Variants in AFG1L observed in about 807,000 individuals in gnomAD.
AFG1L encodes AFG1 like ATPase.
Under a neutral mutation model 62.2 loss-of-function variants are expected in AFG1L, and 53 were observed. The ratio of observed to expected loss-of-function variants is 0.85; its 90% CI spans 0.68 to 1.07. The LOEUF is 1.07. Ranked by LOEUF, AFG1L falls within the 50% of genes least tolerant of loss-of-function variation. The pLI is 0.00. For synonymous variants in AFG1L, 228 were observed against 210.3 expected, an observed-to-expected ratio of 1.08 and a Z score of -0.73; for missense variants, 555 against 590.5, an observed-to-expected ratio of 0.94 and a Z score of 0.62.
intron 10 of AFG1L, among the ~76,000 whole-genome samples, chr6:108,501,753 C>G (rs1283319026): frequency 6.6e-6 from 1 of 152,124 alleles, no homozygotes; most frequent in African/African-American, 2.4e-5. Context: ...ACACTTAAAT[C>G]TAAGGGAGGC....
intron 8 of AFG1L, among the ~76,000 whole-genome samples, chr6:108,447,565 A>G (rs1271145902): frequency 6.6e-6 from 1 of 152,174 alleles, no homozygotes; most frequent in Non-Finnish European, 1.5e-5. Context: ...TCCTTTTATA[A>G]GAGACTCTAT....
intron 10 of AFG1L, among the ~76,000 whole-genome samples, chr6:108,497,183 T>C (rs550251671): frequency 3.5e-4 from 54 of 152,336 alleles, no homozygotes; most frequent in African/African-American, 1.3e-3. Context: ...CAGGAACAAC[T>C]AAACTGATTT....
chr6:108,396,347 C>T (rs1021270889), intron 6 of AFG1L, among the ~76,000 whole-genome samples: 5 of 151,870 alleles, frequency 3.3e-5, no homozygotes, highest in Non-Finnish European at 5.9e-5. Context: ...GTGACAGTTA[C>T]GTATATTAAA....
chr6:108,507,624 C>T (rs1334845446), intron 10 of AFG1L, among the ~76,000 whole-genome samples: 13 of 152,116 alleles, frequency 8.5e-5, no homozygotes, highest in African/African-American at 2.9e-4. Context: ...CCATGCATAA[C>T]GAGTGAGCTT....
intron 6 of AFG1L, 78 bp from the exon 7 acceptor site, chr6:108,401,918 T>C (rs1781637502): frequency 1.5e-6 from 1 of 677,276 alleles, no homozygotes; most frequent in Admixed American, 3.3e-5. Context: ...AGTAGAAAGC[T>C]TTATTTGCCA....
chr6:108,326,189 G>T (rs1778035690), intron 2 of AFG1L, among the ~76,000 whole-genome samples: 2 of 152,166 alleles, frequency 1.3e-5, no homozygotes, highest in South Asian at 4.2e-4. Flanking sequence ...TCCTCCCGCA[G>T]CCCCCTGAGT....
At chr6:108,399,980 T>C (rs1781497248) in intron 6 of AFG1L, among the ~76,000 whole-genome samples, 1 of 151,892 alleles carries the variant, frequency 6.6e-6, no homozygotes, top group African/African-American at 2.4e-5. Flanking sequence ...GATTTTGCCA[T>C]GTTGCTCAGG....
intron 1 of AFG1L, among the ~76,000 whole-genome samples, chr6:108,308,651 C>G (rs1238600136): frequency 6.6e-6 from 1 of 151,870 alleles, no homozygotes; most frequent in Non-Finnish European, 1.5e-5. Context: ...GTAGCTAGGA[C>G]TCTAGGGTTG....
intron 10 of AFG1L, among the ~76,000 whole-genome samples, chr6:108,488,573 CT>C (rs2114845516): frequency 6.6e-6 from 1 of 152,188 alleles, no homozygotes; most frequent in African/African-American, 2.4e-5. Flanking sequence ...AGAGTTGGGG[CT>C]GGGCGCAGTG....
chr6:108,335,573 A>G (rs1056784476), intron 2 of AFG1L, among the ~76,000 whole-genome samples: 1 of 152,250 alleles, frequency 6.6e-6, no homozygotes, highest in Non-Finnish European at 1.5e-5. Context: ...ATTCAGAACA[A>G]CAACAGCGTT....
Position 108,347,015 on chromosome 6 carries a change from G to T in AFG1L, c.391G>T (p.Gly131Cys), listed in dbSNP as rs1778888112. 2 of 1,613,100 alleles carry T rather than the reference G, an allele frequency of 1.2e-6. No individual in the cohort carries two copies. The highest frequency in any genetic ancestry group is 1.7e-6 in the Non-Finnish European group (2 of 1,179,398). ...KLFSRSKPPR[G>C]LYVYGDVGTG... ...TTTTTCAAGGAGCAAACCTCCAAGG[G>T]GCCTGTATGTTTATGGAGATGTTGG... The change falls in exon 3 of 13, where the codon GGC becomes TGC. Residue 131 changes from glycine to cysteine, a missense_variant. Gly to Cys is a radical substitution (Grantham distance 159). Transcript: ENST00000368977.
intron 5 of AFG1L, among the ~76,000 whole-genome samples, chr6:108,357,024 A>G (rs150794479): frequency 2.1e-3 from 318 of 152,156 alleles, no homozygotes; most frequent in African/African-American, 7.3e-3. Context: ...CTGTTTTTTT[A>G]TGGTTAGTGA....
chr6:108,509,114 C>A (rs907537622), intron 10 of AFG1L, among the ~76,000 whole-genome samples: 2 of 152,224 alleles, frequency 1.3e-5, no homozygotes, highest in African/African-American at 4.8e-5. Context: ...TTAAAATGAG[C>A]AGAGGTAACA....
At position 108,512,823 on chromosome 6, in the gene AFG1L, A is replaced by G. The variant is rs148942553; in HGVS notation, c.1203+2471A>G. On this transcript the variant is annotated intron_variant, in intron 11 of 12. Transcript: ENST00000368977. ...ACATTTAGAGATTATACTTTTTATTAAAGTGTAGTCAAAACCATTTTATTT... is the reference window on the plus strand; with the variant it reads ...ACATTTAGAGATTATACTTTTTATTGAAGTGTAGTCAAAACCATTTTATTT... Among the ~76,000 whole-genome samples, 1,017 of 152,306 alleles carry G rather than the reference A, an allele frequency of 6.7e-3. 31 individuals are homozygous for G. Among genetic ancestry groups the G allele is most frequent in the Admixed American group, 0.056 (857 of 15,298 alleles).
At chr6:108,410,462 GAGA>G (rs1282372029) in intron 7 of AFG1L, among the ~76,000 whole-genome samples, 4 of 152,086 alleles carry the variant, frequency 2.6e-5, no homozygotes, top group Non-Finnish European at 2.9e-5. Flanking sequence ...TAGAAGAGAA[GAGA>G]AGAGTTTTTA....
intron 7 of AFG1L, among the ~76,000 whole-genome samples, chr6:108,433,176 C>T (rs1771149145): frequency 1.3e-5 from 2 of 152,146 alleles, no homozygotes; most frequent in South Asian, 4.1e-4. Context: ...TACCCCCAGA[C>T]TTTTCAGTTA....
chr6:108,436,708 G>A (rs559322924), intron 7 of AFG1L, among the ~76,000 whole-genome samples: 33 of 152,296 alleles, frequency 2.2e-4, no homozygotes, highest in Non-Finnish European at 4.1e-4. Context: ...AAATGCCTGC[G>A]TTTGAATCCT....
At chr6:108,387,197 T>C (rs1342269408) in intron 6 of AFG1L, among the ~76,000 whole-genome samples, 1 of 152,228 alleles carries the variant, frequency 6.6e-6, no homozygotes, top group Non-Finnish European at 1.5e-5. Flanking sequence ...CCAGATTAAA[T>C]AAACTTCAGG....
At chr6:108,384,183 C>T (rs1780666526) in intron 6 of AFG1L, among the ~76,000 whole-genome samples, 1 of 152,078 alleles carries the variant, frequency 6.6e-6, no homozygotes. Flanking sequence ...AAAGTCAGTG[C>T]TGCATTGATA....
Sources: gnomAD v4.1 joint callset for allele counts (sites outside exome capture counted in the v4.1 genomes callset) on GRCh38, gnomAD v4.1.1 for gene constraint, MANE v1.5 for transcripts, NCBI Gene and HGNC (gene_info 2026-07-23, HGNC 2026-07-21) for gene names.